Variants in TBX15 observed in about 807,000 individuals in gnomAD.
TBX15 encodes the protein T-box transcription factor 15.
TBX15 carries 18 observed loss-of-function variants against 53.9 expected under a neutral mutation model. That is an observed-to-expected ratio of 0.33 (90% CI 0.23 to 0.49). The LOEUF is 0.49. Among genes scored for constraint, TBX15 ranks in the 20% least tolerant of loss-of-function variants. The pLI, the probability that TBX15 is intolerant of heterozygous loss-of-function variation, is 0.98. For missense variants in TBX15, 692 were observed against 749.5 expected, an observed-to-expected ratio of 0.92 and a Z score of 0.90; for synonymous variants, 295 against 278.0, an observed-to-expected ratio of 1.06 and a Z score of -0.61.
At chr1:118,969,654 AG>A (rs1413667095) in intron 1 of TBX15, among the ~76,000 whole-genome samples, 1 of 152,228 alleles carries the variant, frequency 6.6e-6, no homozygotes, top group Non-Finnish European at 1.5e-5. Flanking sequence ...AGAAGACACT[AG>A]GTCATTCAAC....
At chr1:118,977,622 A>G (rs1375845408) in intron 1 of TBX15, among the ~76,000 whole-genome samples, 1 of 152,336 alleles carries the variant, frequency 6.6e-6, no homozygotes, top group East Asian at 1.9e-4. Context: ...GTTTGAACCC[A>G]CCTGCAGAAC....
intron 1 of TBX15, among the ~76,000 whole-genome samples, chr1:118,974,114 A>G (rs904418840): frequency 1.1e-4 from 17 of 152,194 alleles, no homozygotes; most frequent in African/African-American, 4.1e-4. Context: ...AGATCCAGTA[A>G]ATCACCCAAG....
intron 1 of TBX15, among the ~76,000 whole-genome samples, chr1:118,953,125 A>C (rs2101660179): frequency 6.6e-6 from 1 of 152,004 alleles, no homozygotes; most frequent in South Asian, 2.1e-4. Flanking sequence ...ATTCTCTTTA[A>C]GATTTGCTTT....
chr1:118,940,358 G>A (rs1052413355), intron 1 of TBX15, among the ~76,000 whole-genome samples: 2 of 151,860 alleles, frequency 1.3e-5, no homozygotes, highest in African/African-American at 4.9e-5. Context: ...ATCCAACCTA[G>A]GTAGAAGATC....
chr1:118,942,685 T>C (rs1656220624), intron 1 of TBX15, among the ~76,000 whole-genome samples: 1 of 152,172 alleles, frequency 6.6e-6, no homozygotes, highest in Non-Finnish European at 1.5e-5. Flanking sequence ...TTTCAGGGGT[T>C]TCAACTGAGT....
Position 118,987,701 on chromosome 1 carries a change from A to C in TBX15, c.95T>G (p.Leu32Arg), listed in dbSNP as rs748440018. Residue 32 changes from leucine (L) to arginine (R), a missense_variant, in exon 1 of 8, where the codon CTG (leucine) becomes CGG (arginine). Physicochemically the swap from Leu to Arg is moderately radical, Grantham distance 102. Coordinates refer to ENST00000369429, the MANE Select transcript of TBX15 (RefSeq NM_001330677.2). Reference protein sequence around the residue: ...ALIGSNKKRKLRDWEEKGLDL... With the variant: ...ALIGSNKKRKRRDWEEKGLDL... ...CAGCCCCTTCTCCTCCCAGTCTCGCAGTTTCCGTTTTTTATTTGAGCCGAT... is the reference window on the plus strand; with the variant it reads ...CAGCCCCTTCTCCTCCCAGTCTCGCCGTTTCCGTTTTTTATTTGAGCCGAT... 6.5e-7 allele frequency: 1 copy of C among 1,550,344 alleles called. No homozygotes were observed. Among genetic ancestry groups the C allele is most frequent in the Non-Finnish European group, 8.7e-7 (1 of 1,146,848 alleles).
intron 6 of TBX15, 135 bp from the exon 7 acceptor site, chr1:118,899,260 C>G (rs1011272330): frequency 7.2e-6 from 6 of 830,768 alleles, no homozygotes; most frequent in Non-Finnish European, 1.2e-5. Flanking sequence ...AAGGTAAATT[C>G]GGGTGAAAAA....
At chr1:118,904,902 C>T (rs1395907188) in intron 6 of TBX15, among the ~76,000 whole-genome samples, 1 of 152,152 alleles carries the variant, frequency 6.6e-6, no homozygotes, top group Non-Finnish European at 1.5e-5. Flanking sequence ...CAACCTTTGC[C>T]AAGTTATATA....
chr1:118,898,716 CT>C (rs1654513367), intron 7 of TBX15, among the ~76,000 whole-genome samples: 2 of 152,150 alleles, frequency 1.3e-5, no homozygotes, highest in Non-Finnish European at 1.5e-5. Context: ...TTAAAAAAAT[CT>C]CTTCAAATAC....
intron 2 of TBX15, among the ~76,000 whole-genome samples, chr1:118,927,424 T>C (rs1342523562): frequency 1.3e-5 from 2 of 152,178 alleles, no homozygotes; most frequent in Non-Finnish European, 2.9e-5. Flanking sequence ...TATTTGAAAA[T>C]AACCACTCTA....
chr1:118,979,944 G>C (rs975734892), intron 1 of TBX15, among the ~76,000 whole-genome samples: 18 of 152,194 alleles, frequency 1.2e-4, no homozygotes, highest in Non-Finnish European at 2.1e-4. Flanking sequence ...CCCGTTCGCC[G>C]TTCCGGCCCC....
At chr1:118,986,047 G>C (rs546579876) in intron 1 of TBX15, among the ~76,000 whole-genome samples, 9 of 152,202 alleles carry the variant, frequency 5.9e-5, no homozygotes, top group Non-Finnish European at 1.3e-4. Context: ...AAACTTCCCC[G>C]GGACAGGACG....
chr1:118,984,802 A>G (rs1657774863), intron 1 of TBX15, among the ~76,000 whole-genome samples: 1 of 152,120 alleles, frequency 6.6e-6, no homozygotes. Flanking sequence ...CGAAATACAT[A>G]GTTTCCTCTG....
At chr1:118,953,124 A>C (rs1441721688) in intron 1 of TBX15, among the ~76,000 whole-genome samples, 1 of 151,354 alleles carries the variant, frequency 6.6e-6, no homozygotes, top group Non-Finnish European at 1.5e-5. Context: ...TATTCTCTTT[A>C]AGATTTGCTT....
intron 1 of TBX15, among the ~76,000 whole-genome samples, chr1:118,941,956 T>C (rs1271465545): frequency 2.6e-5 from 4 of 152,212 alleles, no homozygotes; most frequent in African/African-American, 9.6e-5. Flanking sequence ...TTGTGAAACT[T>C]TTATGAACTA....
At chr1:118,907,311 C>T (rs976512709) in intron 6 of TBX15, among the ~76,000 whole-genome samples, 1 of 152,216 alleles carries the variant, frequency 6.6e-6, no homozygotes, top group African/African-American at 2.4e-5. Context: ...CAGAGTCTTT[C>T]ACTCCATAGC....
intron 1 of TBX15, among the ~76,000 whole-genome samples, chr1:118,966,888 T>C (rs1199833263): frequency 6.6e-6 from 1 of 152,246 alleles, no homozygotes; most frequent in East Asian, 1.9e-4. Flanking sequence ...GCAAGTGATC[T>C]TTTTGGAGAA....
At chr1:118,889,292 G>A (rs904441158) in intron 7 of TBX15, among the ~76,000 whole-genome samples, 4 of 152,184 alleles carry the variant, frequency 2.6e-5, no homozygotes, top group Non-Finnish European at 2.9e-5. Flanking sequence ...CTCCTCCTAT[G>A]ATCTAACAGC....
chr1:118,885,275 G>C lies in TBX15; in HGVS notation c.1266C>G (p.Asn422Lys). The C allele has an allele frequency of 3.1e-6, 5 of 1,613,978 alleles. No homozygotes were observed. Among genetic ancestry groups the C allele is most frequent in the Non-Finnish European group, 4.2e-6 (5 of 1,180,016 alleles). ...CTGAAGTGGTGCCACTCTGAAGCCT[G>C]TTGTAGCCACTGTCACTCAGCCCTG... is the stretch of plus-strand genomic sequence containing the variant. ...SYPGLSDSGY[N>K]RLQSGTTSAT... The change falls in exon 8 of 8, where the codon AAC becomes AAG. Residue 422 changes from asparagine (N) to lysine (K), a missense_variant. Asn to Lys is a moderately conservative substitution (Grantham distance 94). Coordinates refer to ENST00000369429, the MANE Select transcript of TBX15 (RefSeq NM_001330677.2).
Sources: allele counts gnomAD v4.1 joint callset (sites outside exome capture counted in the v4.1 genomes callset), GRCh38; gene constraint gnomAD v4.1.1; transcripts MANE v1.5; gene names NCBI Gene and HGNC (gene_info 2026-07-23, HGNC 2026-07-21).